JPT1: variants seen among roughly 807,000 people sequenced by gnomAD.
JPT1 encodes Jupiter microtubule associated homolog 1, also known as androgen-regulated protein 2.
Under a neutral mutation model 17.0 loss-of-function variants are expected in JPT1, and 5 were observed. The ratio of observed to expected loss-of-function variants is 0.29; its 90% confidence interval spans 0.15 to 0.62. The LOEUF is 0.62. Among genes scored for constraint, JPT1 ranks in the 20% least tolerant of loss-of-function variants. The pLI is 0.85. For missense variants in JPT1, 158 were observed against 188.1 expected, an observed-to-expected ratio of 0.84 and a Z score of 0.94; for synonymous variants, 71 against 73.6, an observed-to-expected ratio of 0.96 and a Z score of 0.18.
At chr17:75,147,042 T>C (rs1334956003) in intron 3 of JPT1, among the ~76,000 whole-genome samples, 10 of 152,236 alleles carry the variant, frequency 6.6e-5, no homozygotes. Flanking sequence ...ATAATAGTTA[T>C]GGAAGGACCC....
At chr17:75,147,835 CTAAAAATA>C in intron 2 of JPT1, 182 bp from the exon 3 acceptor site, 1 of 548,226 alleles carries the variant, frequency 1.8e-6, no homozygotes, top group South Asian at 2.2e-5. Context: ...CCTGTCTCTA[CTAAAAATA>C]TAAAAATTGG....
intron 4 of JPT1, among the ~76,000 whole-genome samples, chr17:75,142,128 G>A (rs1370529752): frequency 6.6e-6 from 1 of 152,066 alleles, no homozygotes; most frequent in Non-Finnish European, 1.5e-5. Context: ...TTATGTGGTA[G>A]GACTATTGAC....
intron 1 of JPT1, chr17:75,153,114 C>T (rs1417851245): frequency 1.3e-5 from 2 of 152,134 alleles, no homozygotes; most frequent in Non-Finnish European, 2.9e-5. Context: ...CGAGGGTAGC[C>T]ACACATGAAT....
At position 75,154,377 on chromosome 17, in the gene JPT1, G is replaced by A; in HGVS notation, c.21C>T (p.Phe7=). 6.5e-7 allele frequency: 1 copy of A among 1,549,380 alleles called. No individual in the cohort carries two copies. Among genetic ancestry groups the A allele is most frequent in the Non-Finnish European group, 8.7e-7 (1 of 1,146,260 alleles). The part of the protein sequence containing the change: MTTTTT[F]KGVDPNSRNS... ...TCCTGCTGTTGGGGTCGACTCCCTT[G>A]AAGGTGGTGGTTGTGGTCATGGCGC... The change falls in exon 1 of 5, where the codon TTC becomes TTT. Residue 7 remains phenylalanine, a synonymous_variant. Coordinates refer to ENST00000409753, the MANE Select transcript of JPT1 (RefSeq NM_016185.4).
chr17:75,152,687 C>G (rs1343099785), intron 1 of JPT1, among the ~76,000 whole-genome samples: 2 of 152,154 alleles, frequency 1.3e-5, no homozygotes, highest in Admixed American at 6.5e-5. Flanking sequence ...AAGAATAAAA[C>G]CCCAGATTAC....
rs1433826012 is a variant in JPT1, at chr17:75,135,521, C to T, written c.*581G>A. 1 of 152,502 alleles carries T rather than the reference C, an allele frequency of 6.6e-6. No individual in the cohort carries two copies. The highest frequency in any genetic ancestry group is 1.5e-5 in the Non-Finnish European group (1 of 68,246). 9.4% of individuals were successfully genotyped at this position (152,502 alleles called of 1,614,324 possible). A position where few individuals can be genotyped will look rare whatever the true frequency, so the allele number is the denominator to read the frequency against. On this transcript the variant is annotated 3_prime_UTR_variant, in exon 5 of 5. Transcript: ENST00000409753. ...GAGAGCAAAGGCTTTGCTCATCAGC[C>T]AGCCAGTCTTGTTACTATCTGGCTA...
In JPT1 at chr17:75,148,947, G is replaced by C; in HGVS notation, c.57-276C>G. 2.6e-6 allele frequency: 3 copies of C among 1,135,252 alleles called. No homozygotes were observed. In the South Asian group the frequency reaches 4.9e-5, roughly 18 times the overall value. The allele number at this position is 1,135,252 out of a possible 1,614,324, so 70.3% of individuals were successfully genotyped here. A position where few individuals can be genotyped will look rare whatever the true frequency, so the allele number is the denominator to read the frequency against. Reference sequence around the variant, plus strand: ...TGGAACTCATCATAAATAACAGCCTGGTTGGTGTCCCCTTTTCAGAAATGG... The same window carrying C: ...TGGAACTCATCATAAATAACAGCCTCGTTGGTGTCCCCTTTTCAGAAATGG... On this transcript the variant is annotated intron_variant, in intron 1 of 4. Transcript: ENST00000409753.
At chr17:75,151,742 G>A (rs1598210388) in intron 1 of JPT1, among the ~76,000 whole-genome samples, 1 of 152,264 alleles carries the variant, frequency 6.6e-6, no homozygotes, top group East Asian at 1.9e-4. Flanking sequence ...GGCCGAGGCG[G>A]GCGGATCACC....
chr17:75,148,635 T>G lies in JPT1; in HGVS notation c.93A>C (p.Ser31=). 1.2e-6 allele frequency: 2 copies of G among 1,614,200 alleles called. No homozygotes were observed. Among genetic ancestry groups the G allele is most frequent in the Non-Finnish European group, 1.7e-6 (2 of 1,180,024 alleles). The change falls in exon 2 of 5, where the codon TCA becomes TCC. Residue 31 remains serine, a synonymous_variant. Transcript: ENST00000409753. ...GTTCTGTTGGTTCATCAAAACCTAA[T>G]GAAAAATTGGATCCACCACCTGGAG... ...LRPPGGGSNF[S]LGFDEPTEQP... is the part of the protein sequence containing the mutation.
Position 75,135,978 on chromosome 17 carries a change from C to T in JPT1, c.*124G>A. The T allele has an allele frequency of 6.4e-7, 1 of 1,559,904 alleles. No individual in the cohort carries two copies. The highest frequency in any genetic ancestry group is 8.7e-7 in the Non-Finnish European group (1 of 1,153,476). ...TTCTTCAAAAGAAAAAAAAAAAAGA[C>T]AGCAGTACATAAAGTGCTTCTTTTT... On this transcript the variant is annotated 3_prime_UTR_variant, in exon 5 of 5. Transcript: ENST00000409753.
At chr17:75,142,614 AGAGGAGGGGAG>A in intron 4 of JPT1, 1 of 193,328 alleles carries the variant, frequency 5.2e-6, no homozygotes, top group Non-Finnish European at 9.5e-6. Flanking sequence ...GAAGGGGGAG[AGAGGAGGGGAG>A]GGAGGGGAGG....
At chr17:75,147,407 T>C (rs1339150253) in intron 3 of JPT1, 149 bp downstream of exon 3, 3 of 588,950 alleles carry the variant, frequency 5.1e-6, no homozygotes, top group Non-Finnish European at 6.1e-6. Flanking sequence ...TTCTATGATT[T>C]TACTATCAAT....
At chr17:75,141,663 GA>G (rs2074311335) in intron 4 of JPT1, among the ~76,000 whole-genome samples, 4 of 149,964 alleles carry the variant, frequency 2.7e-5, no homozygotes, top group African/African-American at 9.8e-5. Context: ...AAACAAAAAG[GA>G]AAAAACAACA....
At chr17:75,142,000 C>T (rs1435926300) in intron 4 of JPT1, among the ~76,000 whole-genome samples, 1 of 151,934 alleles carries the variant, frequency 6.6e-6, no homozygotes, top group Non-Finnish European at 1.5e-5. Flanking sequence ...ACCTGGGAGG[C>T]GGAGGTTGCC....
intron 4 of JPT1, among the ~76,000 whole-genome samples, chr17:75,136,684 G>A (rs1227094821): frequency 6.6e-6 from 1 of 152,104 alleles, no homozygotes; most frequent in Admixed American, 6.6e-5. Flanking sequence ...TACAGATGGG[G>A]TTTCACCATC....
At chr17:75,152,773 A>G (rs2074574388) in intron 1 of JPT1, 1 of 152,196 alleles carries the variant, frequency 6.6e-6, no homozygotes, top group Non-Finnish European at 1.5e-5. Context: ...ACCAAGGCTC[A>G]ATCTCTTCCT....
At position 75,154,445 on chromosome 17, in the gene JPT1, G is replaced by T; in HGVS notation, c.-48C>A. ...TGGCGCCGGAGCAGAACGCTCAAAG[G>T]GTCGGACCCGAGGGGCGCTGGGAAA... On this transcript the variant is annotated 5_prime_UTR_variant, in exon 1 of 5. Coordinates refer to ENST00000409753, the MANE Select transcript of JPT1 (RefSeq NM_016185.4). 2.0e-6 allele frequency: 3 copies of T among 1,524,152 alleles called. No homozygotes were observed. Among genetic ancestry groups the T allele is most frequent in the East Asian group, 2.5e-5 (1 of 39,354 alleles). The allele number at this position is 1,524,152 out of a possible 1,614,324, so 94.4% of individuals were successfully genotyped here.
At chr17:75,137,693 T>C (rs1359213492) in intron 4 of JPT1, among the ~76,000 whole-genome samples, 148 of 45,536 alleles carry the variant, frequency 3.3e-3, no homozygotes, top group African/African-American at 5.9e-3. Context: ...TCCTTTTTTT[T>C]TTTTTTTTTT....
At chr17:75,144,002 T>C (rs2074377118) in intron 4 of JPT1, among the ~76,000 whole-genome samples, 1 of 151,776 alleles carries the variant, frequency 6.6e-6, no homozygotes, top group Admixed American at 6.6e-5. Flanking sequence ...TCTAGCCTGG[T>C]TAAGACCAAA....
Sources: gnomAD v4.1 joint callset for allele counts (sites outside exome capture counted in the v4.1 genomes callset) on GRCh38, gnomAD v4.1.1 for gene constraint, MANE v1.5 for transcripts, NCBI Gene and HGNC (gene_info 2026-07-23, HGNC 2026-07-21) for gene names.